MNS1: variants seen among roughly 807,000 people sequenced by gnomAD.
The protein encoded by MNS1 is meiosis-specific nuclear structural protein 1.
A neutral mutation model predicts 72.0 loss-of-function variants in MNS1; 63 were observed. The ratio of observed to expected loss-of-function variants is 0.87; its 90% CI spans 0.71 to 1.08. The LOEUF (loss-of-function observed/expected upper bound fraction) is 1.08. MNS1 is among the 50% of genes least tolerant of loss of function. MNS1 has a pLI of 0.00. For synonymous variants in MNS1, 188 were observed against 172.1 expected, an observed-to-expected ratio of 1.09 and a Z score of -0.72; for missense variants, 604 against 562.4, an observed-to-expected ratio of 1.07 and a Z score of -0.75.
rs770609926 is a variant in MNS1, at chr15:56,429,173, A to G, written c.1416T>C (p.Asp472=). 1.3e-6 allele frequency: 2 copies of G among 1,596,098 alleles called. No individual in the cohort carries two copies. Among genetic ancestry groups the G allele is most frequent in the Admixed American group, 1.8e-5 (1 of 56,306 alleles). ...ACTCTTCACCAAGCAGATCAATATC[A>G]TCCTCTTTTTTAAATACTCCCTACG... ...YLPKGVFKKE[D]DIDLLGEEFR... Residue 472 remains aspartate, a synonymous_variant, in exon 10 of 10, where the codon GAT becomes GAC. Coordinates refer to ENST00000260453, the MANE Select transcript of MNS1 (RefSeq NM_018365.4).
chr15:56,434,266 C>A lies in MNS1; in HGVS notation c.1141G>T (p.Ala381Ser). Residue 381 changes from alanine (A) to serine (S), a missense_variant, in exon 8 of 10, where the codon GCT becomes TCT. Transcript: ENST00000260453. ...ATTCGATCATCCTCAGCAAATTTAG[C>A]TAGCATAGTTTTTCTAAAGTTCTCC... is the stretch of plus-strand genomic sequence containing the variant. ...EEENFRKTML[A>S]KFAEDDRIEL... is the part of the protein sequence containing the mutation. 1 of 1,613,902 alleles carries A rather than the reference C, an allele frequency of 6.2e-7. No homozygotes were observed. The highest frequency in any genetic ancestry group is 8.5e-7 in the Non-Finnish European group (1 of 1,179,930).
At position 56,434,349 on chromosome 15, in the gene MNS1, T is replaced by C. The variant is rs752244310; in HGVS notation, c.1058A>G (p.Asp353Gly). Reference sequence around the variant, plus strand: ...CTTCAAGGCCATTTGTTCTTCAAAATCTTGCTTCATCTCTTTTTGCTTTCT... The same window carrying C: ...CTTCAAGGCCATTTGTTCTTCAAAACCTTGCTTCATCTCTTTTTGCTTTCT... Reference protein sequence around the residue: ...KLRKQKEMKQDFEEQMALKEL... With the variant: ...KLRKQKEMKQGFEEQMALKEL... The change falls in exon 8 of 10, where the codon GAT becomes GGT. Residue 353 changes from aspartate (D) to glycine (G), a missense_variant. Transcript: ENST00000260453. 6.2e-7 allele frequency: 1 copy of C among 1,613,378 alleles called. No homozygotes were observed. Among genetic ancestry groups the C allele is most frequent in the East Asian group, 2.2e-5 (1 of 44,868 alleles).
chr15:56,445,796 G>A (rs1260225928), intron 4 of MNS1: 9 of 151,952 alleles, frequency 5.9e-5, no homozygotes, highest in Non-Finnish European at 1.0e-4. Context: ...AGCAATTCTC[G>A]TAGGAGTCAG....
chr15:56,465,019 C>A lies in MNS1; in HGVS notation c.-47G>T. ...CCTCTCGTGGGACCGCGGCCACCAC[C>A]TCCCGCCGCAAACGCAGCAGCCAGC... On this transcript the variant is annotated 5_prime_UTR_variant, in exon 1 of 10. In the 5' UTR this introduces an upstream ATG that the reference lacks. Transcript: ENST00000260453. 6.3e-7 allele frequency: 1 copy of A among 1,587,994 alleles called. No homozygotes were observed. Among genetic ancestry groups the A allele is most frequent in the Admixed American group, 1.8e-5 (1 of 57,116 alleles).
intron 1 of MNS1, 60 bp from the exon 2 acceptor site, chr15:56,464,307 A>G: frequency 8.3e-7 from 1 of 1,203,232 alleles, no homozygotes; most frequent in Non-Finnish European, 1.2e-6. Context: ...ATTTTAAAAA[A>G]TGTATTGATA....
intron 3 of MNS1, 65 bp from the exon 4 acceptor site, chr15:56,447,008 A>T: frequency 9.6e-7 from 1 of 1,040,808 alleles, no homozygotes; most frequent in South Asian, 1.4e-5. Flanking sequence ...CCTCACAGAA[A>T]ACTGAGTAAC....
chr15:56,448,359 G>C (rs985918771), intron 3 of MNS1, among the ~76,000 whole-genome samples: 1 of 152,168 alleles, frequency 6.6e-6, no homozygotes, highest in African/African-American at 2.4e-5. Context: ...AGTGAGCACA[G>C]AATCAAATGG....
At chr15:56,440,324 G>A (rs2050797086) in intron 7 of MNS1, among the ~76,000 whole-genome samples, 1 of 152,182 alleles carries the variant, frequency 6.6e-6, no homozygotes, top group Non-Finnish European at 1.5e-5. Context: ...ACCAAATGCT[G>A]GTGAGAATGC....
chr15:56,462,523 A>C (rs1288640120), intron 2 of MNS1, among the ~76,000 whole-genome samples: 1 of 152,208 alleles, frequency 6.6e-6, no homozygotes, highest in Non-Finnish European at 1.5e-5. Flanking sequence ...TAGGGAAATA[A>C]ATTAAAGGAA....
At chr15:56,461,847 CA>C (rs1457055949) in intron 2 of MNS1, among the ~76,000 whole-genome samples, 6 of 151,698 alleles carry the variant, frequency 4.0e-5, no homozygotes, top group Non-Finnish European at 7.4e-5. Context: ...AATTTAAAAA[CA>C]ACCACAACAT....
intron 2 of MNS1, among the ~76,000 whole-genome samples, chr15:56,462,882 A>G (rs542509757): frequency 6.6e-6 from 1 of 152,292 alleles, no homozygotes. Context: ...GATACCTGGG[A>G]TATTCTTTCA....
intron 7 of MNS1, among the ~76,000 whole-genome samples, chr15:56,438,068 C>G (rs1198850256): frequency 2.0e-5 from 3 of 152,116 alleles, no homozygotes; most frequent in African/African-American, 7.2e-5. Flanking sequence ...TCAATGCCAT[C>G]CACATCAAGC....
intron 3 of MNS1, among the ~76,000 whole-genome samples, chr15:56,454,178 AT>A (rs1313813715): frequency 6.6e-6 from 1 of 152,220 alleles, no homozygotes; most frequent in East Asian, 1.9e-4. Context: ...TGAGTTGTAA[AT>A]TTTTTTGTAT....
rs1258188346 is a variant in MNS1 at position 56,444,566 on chromosome 15, A to T, written c.564T>A (p.Tyr188Ter). Residue 188 changes from tyrosine (Y) to a stop codon, truncating the protein, a stop_gained, in exon 5 of 10, where the codon TAT (tyrosine) becomes TAA (stop). Transcript: ENST00000260453. LOFTEE classifies it high-confidence loss of function. Reference protein sequence around the residue: ...DKRNKAKAQYYLDLEKQLEEQ... With the variant: ...DKRNKAKAQY ...CTTCAAGTTGTTTCTCTAAGTCAAG[A>T]TAGTACTGTGCTTTCGCTTTGTTTC... 2 of 1,612,750 alleles carry T rather than the reference A, an allele frequency of 1.2e-6. No individual in the cohort carries two copies. The highest frequency in any genetic ancestry group is 3.3e-5 in the Admixed American group (2 of 59,938).
chr15:56,455,973 T>C (rs927793708), intron 3 of MNS1, among the ~76,000 whole-genome samples: 11 of 152,124 alleles, frequency 7.2e-5, no homozygotes, highest in Non-Finnish European at 1.5e-4. Context: ...GGAAGATAAT[T>C]TAACATTAAG....
At chr15:56,429,709 C>A (rs1329897681) in intron 9 of MNS1, 1 of 152,126 alleles carries the variant, frequency 6.6e-6, no homozygotes, top group Non-Finnish European at 1.5e-5. Flanking sequence ...TTTTCCCCTA[C>A]AGTATACTGC....
At chr15:56,448,849 G>A (rs1431548761) in intron 3 of MNS1, among the ~76,000 whole-genome samples, 1 of 150,896 alleles carries the variant, frequency 6.6e-6, no homozygotes, top group East Asian at 1.9e-4. Context: ...CGCCACCCAG[G>A]TTCACGCGAT....
chr15:56,446,759 AAT>A (rs1311283076), intron 4 of MNS1, 80 bp downstream of exon 4: 13 of 1,024,328 alleles, frequency 1.3e-5, no homozygotes, highest in Middle Eastern at 2.2e-4. Flanking sequence ...TTCTTTATAC[AAT>A]ATGACAATTT....
Position 56,428,852 on chromosome 15 carries a change from G to A in MNS1, c.*249C>T, listed in dbSNP as rs1228782709. 2.3e-6 allele frequency: 1 copy of A among 426,486 alleles called. No homozygotes were observed. Among genetic ancestry groups the A allele is most frequent in the African/African-American group, 2.1e-5 (1 of 48,292 alleles). The allele number at this position is 426,486 out of a possible 1,614,324, so 26.4% of individuals were successfully genotyped here. A position where few individuals can be genotyped will look rare whatever the true frequency, so the allele number is the denominator to read the frequency against. On this transcript the variant is annotated 3_prime_UTR_variant, in exon 10 of 10. Transcript: ENST00000260453. The stretch of plus-strand genomic sequence containing the variant: ...AGTCAAGGTAAATATACTGTCTTGA[G>A]GATGGGGATGCAAACAGTGCTCTGT...
Sources: gnomAD v4.1 joint callset for allele counts (sites outside exome capture counted in the v4.1 genomes callset) on GRCh38, gnomAD v4.1.1 for gene constraint, MANE v1.5 for transcripts, NCBI Gene and HGNC (gene_info 2026-07-23, HGNC 2026-07-21) for gene names.